H2BC5: variants seen among roughly 807,000 people sequenced by gnomAD.
The protein encoded by H2BC5 is H2B clustered histone 5.
A neutral mutation model predicts 5.7 loss-of-function variants in H2BC5; 9 were observed. The ratio of observed to expected loss-of-function variants is 1.57; its 90% CI spans 0.95 to 2.74. The LOEUF (loss-of-function observed/expected upper bound fraction) is 2.74. H2BC5 is among the 30% of genes most tolerant of loss of function. The pLI is 0.00. For missense variants in H2BC5, 175 were observed against 168.8 expected (o/e 1.04, Z -0.20); for synonymous variants, 133 against 70.9 (o/e 1.88, Z -4.40).
In H2BC5 at chr6:26,158,165, C is replaced by G. The variant is rs1474080364; in HGVS notation, c.-5C>G. The G allele has an allele frequency of 1.9e-6, 3 of 1,611,938 alleles. No homozygotes were observed. Among genetic ancestry groups the G allele is most frequent in the Middle Eastern group, 1.6e-4 (1 of 6,074 alleles). ...TGCAACAGTGTTCTAACTATTAACG[C>G]TACGATGCCTGAACCTACCAAGTCT... On this transcript the variant is annotated 5_prime_UTR_variant, in exon 1 of 1. Transcript: ENST00000377777.
intron 1 of H2BC5, chr6:26,163,736 A>G (rs1764382763): frequency 6.5e-6 from 1 of 153,620 alleles, no homozygotes; most frequent in Non-Finnish European, 1.4e-5. Flanking sequence ...CCTTTTGTGA[A>G]CAAGATTCGA....
At chr6:26,166,669 C>G (rs964845280) in intron 1 of H2BC5, among the ~76,000 whole-genome samples, 2 of 146,892 alleles carry the variant, frequency 1.4e-5, no homozygotes, top group Non-Finnish European at 3.0e-5. Flanking sequence ...GTGGTCGGCA[C>G]GAGCAGAGGG....
downstream of H2BC5, among the ~76,000 whole-genome samples, chr6:26,159,610 C>T (rs943502643): frequency 9.2e-5 from 14 of 152,018 alleles, no homozygotes; most frequent in Non-Finnish European, 1.5e-5. Context: ...GGAACAAATA[C>T]TTGAGACGTG....
chr6:26,158,433 G>A lies in H2BC5; in HGVS notation c.264G>A (p.Ser88=), dbSNP rs143992438. The change falls in exon 1 of 1, where the codon TCG becomes TCA. Residue 88 remains serine (S), a synonymous_variant. Transcript: ENST00000377777. The stretch of plus-strand genomic sequence containing the variant: ...GCCTGGCGCATTACAACAAGCGCTC[G>A]ACCATCACCTCCAGGGAGATCCAGA... The part of the protein sequence containing the change: ...ASRLAHYNKR[S]TITSREIQTA... 5.1e-5 allele frequency: 83 copies of A among 1,614,146 alleles called. No individual in the cohort carries two copies. Among genetic ancestry groups the A allele is most frequent in the Middle Eastern group, 1.6e-4 (1 of 6,084 alleles).
At chr6:26,162,946 A>G (rs1764372566), downstream of H2BC5, among the ~76,000 whole-genome samples, 1 of 151,656 alleles carries the variant, frequency 6.6e-6, no homozygotes, top group African/African-American at 2.4e-5. Context: ...TTCTTTTTTA[A>G]CCTGTTGCCA....
chr6:26,166,225 C>A (rs78357539), intron 1 of H2BC5, among the ~76,000 whole-genome samples: 4,373 of 152,244 alleles, frequency 0.029, 158 homozygotes, highest in African/African-American at 0.09. Context: ...CATCTCATTG[C>A]TTTTAGCCTG....
At chr6:26,160,868 C>CA (rs375947771), downstream of H2BC5, 8,967 of 99,148 alleles carry the variant, frequency 0.09, 428 homozygotes, top group African/African-American at 0.16. Context: ...GACTCTGTCT[C>CA]AAAAAAAAAA....
chr6:26,167,049 CTTTTTTTTTT>C (rs149341201), intron 1 of H2BC5, among the ~76,000 whole-genome samples: 2 of 97,026 alleles, frequency 2.1e-5, no homozygotes, highest in Admixed American at 1.3e-4. Context: ...TTTGTTTTCT[CTTTTTTTTTT>C]TTTTTTTTTT....
At chr6:26,158,792 T>C (rs1299289581), downstream of H2BC5, among the ~76,000 whole-genome samples, 2 of 152,364 alleles carry the variant, frequency 1.3e-5, no homozygotes, top group South Asian at 2.1e-4. Context: ...GCTCATTTAG[T>C]ATCACATAAC....
chr6:26,164,077 A>T, intron 1 of H2BC5: 1 of 462,490 alleles, frequency 2.2e-6, no homozygotes, highest in South Asian at 1.8e-5. Flanking sequence ...ATTGACCCCA[A>T]CTGCAAAAAT....
At chr6:26,158,761 TG>T (rs1764289220), downstream of H2BC5, 1 of 777,728 alleles carries the variant, frequency 1.3e-6, no homozygotes, top group Non-Finnish European at 2.0e-6. Flanking sequence ...TTGAGTGCTA[TG>T]GGTACGTATT....
At chr6:26,163,178 A>G (rs1261570382), downstream of H2BC5, 2 of 151,794 alleles carry the variant, frequency 1.3e-5, no homozygotes, top group African/African-American at 2.4e-5. Context: ...CAGTGGCACA[A>G]TCTCGGCTCA....
At chr6:26,165,008 T>C (rs955257507) in intron 1 of H2BC5, among the ~76,000 whole-genome samples, 1 of 152,194 alleles carries the variant, frequency 6.6e-6, no homozygotes, top group African/African-American at 2.4e-5. Context: ...ATGCTGCTCA[T>C]ATCAGGAAAG....
chr6:26,167,049 C>T (rs375912581), intron 1 of H2BC5, among the ~76,000 whole-genome samples: 33 of 97,020 alleles, frequency 3.4e-4, no homozygotes, highest in Admixed American at 9.4e-4. Flanking sequence ...TTTGTTTTCT[C>T]TTTTTTTTTT....
At chr6:26,163,026 G>T (rs575456171), downstream of H2BC5, among the ~76,000 whole-genome samples, 3 of 151,848 alleles carry the variant, frequency 2.0e-5, no homozygotes, top group South Asian at 2.1e-4. Context: ...TTTGGTCATG[G>T]TATACTATTA....
chr6:26,164,270 G>A (rs1178848140), intron 1 of H2BC5: 2 of 282,560 alleles, frequency 7.1e-6, no homozygotes, highest in Non-Finnish European at 1.5e-5. Flanking sequence ...ACCACCCACT[G>A]GCCAGCCCAT....
chr6:26,167,177 C>T (rs756013372), intron 1 of H2BC5, among the ~76,000 whole-genome samples: 12 of 149,480 alleles, frequency 8.0e-5, no homozygotes, highest in Non-Finnish European at 1.6e-4. Flanking sequence ...CTAGAAGTGG[C>T]AGGGGCCATC....
chr6:26,162,986 T>G (rs1335392147), downstream of H2BC5, among the ~76,000 whole-genome samples: 3 of 152,218 alleles, frequency 2.0e-5, no homozygotes, highest in Non-Finnish European at 2.9e-5. Context: ...TTTGTGTTGA[T>G]TCATGCTTTT....
At chr6:26,170,302 G>T (rs562680551) in intron 1 of H2BC5, among the ~76,000 whole-genome samples, 1 of 152,286 alleles carries the variant, frequency 6.6e-6, no homozygotes, top group Admixed American at 6.5e-5. Context: ...ATAAAAACAG[G>T]GAGTTCACCT....
Sources: allele counts gnomAD v4.1 joint callset (sites outside exome capture counted in the v4.1 genomes callset), GRCh38; gene constraint gnomAD v4.1.1; transcripts MANE v1.5; gene names NCBI Gene and HGNC (gene_info 2026-07-23, HGNC 2026-07-21).